The following PLEKHA5 variants were observed in gnomAD, a reference collection of about 807,000 sequenced individuals.
The protein encoded by PLEKHA5 is pleckstrin homology domain containing A5.
In PLEKHA5, 55 loss-of-function variants were observed where a neutral mutation model predicts 181.9. That is an observed-to-expected ratio of 0.30 (90% confidence interval 0.24 to 0.38). The LOEUF is 0.38. PLEKHA5 is among the 10% of genes least tolerant of loss of function. The pLI is 1.00. For missense variants in PLEKHA5, 1,432 were observed against 1,549.5 expected (o/e 0.92, Z 1.27); for synonymous variants, 535 against 529.4 (o/e 1.01, Z -0.15).
chr12:19,158,825 TAC>T (rs2042349187), intron 3 of PLEKHA5, among the ~76,000 whole-genome samples: 2 of 152,232 alleles, frequency 1.3e-5, no homozygotes, highest in Admixed American at 6.5e-5. Context: ...TTAATTTTCT[TAC>T]TGTAGTAAAT....
intron 29 of PLEKHA5, among the ~76,000 whole-genome samples, chr12:19,364,207 C>CAGAGTAT (rs1555173549): frequency 3.3e-5 from 5 of 152,036 alleles, no homozygotes; most frequent in Admixed American, 3.3e-4. Context: ...AAGTGGGAGT[C>CAGAGTAT]AGAGTATCAT....
chr12:19,374,701 TC>T (rs2095670363), intron 31 of PLEKHA5, among the ~76,000 whole-genome samples: 1 of 151,252 alleles, frequency 6.6e-6, no homozygotes, highest in East Asian at 1.9e-4. Context: ...ACACCTGGAA[TC>T]CTAGCACTTT....
At chr12:19,155,194 A>G (rs993999848) in intron 3 of PLEKHA5, among the ~76,000 whole-genome samples, 3 of 152,158 alleles carry the variant, frequency 2.0e-5, no homozygotes, top group African/African-American at 7.2e-5. Context: ...CACTAGGAAG[A>G]CCTCACAAGC....
intron 7 of PLEKHA5, among the ~76,000 whole-genome samples, chr12:19,261,606 G>A (rs2068520819): frequency 6.6e-6 from 1 of 152,130 alleles, no homozygotes; most frequent in Admixed American, 6.5e-5. Context: ...ACCTGCCAAT[G>A]AAAGGCATAC....
At chr12:19,309,093 A>G (rs2085366398) in intron 15 of PLEKHA5, among the ~76,000 whole-genome samples, 4 of 152,012 alleles carry the variant, frequency 2.6e-5, no homozygotes, top group East Asian at 1.9e-4. Flanking sequence ...AAAGAAATAG[A>G]TAATTTTTTA....
At chr12:19,172,472 A>T (rs2046139829) in intron 3 of PLEKHA5, among the ~76,000 whole-genome samples, 1 of 152,222 alleles carries the variant, frequency 6.6e-6, no homozygotes, top group Admixed American at 6.5e-5. Context: ...GGGGCAAAAG[A>T]TTTGAGCAGT....
intron 8 of PLEKHA5, among the ~76,000 whole-genome samples, 185 bp from the exon 9 acceptor site, chr12:19,269,585 A>G (rs1476106020): frequency 4.0e-5 from 6 of 151,822 alleles, no homozygotes; most frequent in Non-Finnish European, 8.8e-5. Context: ...GGAAATTAAT[A>G]TATATTTTTC....
intron 3 of PLEKHA5, among the ~76,000 whole-genome samples, chr12:19,145,664 G>A (rs2038745296): frequency 6.6e-6 from 1 of 151,964 alleles, no homozygotes; most frequent in Non-Finnish European, 1.5e-5. Flanking sequence ...TGGACATCGA[G>A]GTTTTTTCCT....
At chr12:19,141,824 G>A (rs565772559) in intron 3 of PLEKHA5, among the ~76,000 whole-genome samples, 5 of 152,246 alleles carry the variant, frequency 3.3e-5, no homozygotes, top group East Asian at 3.9e-4. Context: ...GATTCTCTTC[G>A]GTGCTTCTGA....
intron 3 of PLEKHA5, among the ~76,000 whole-genome samples, chr12:19,219,616 A>G (rs2058617641): frequency 6.6e-6 from 1 of 152,016 alleles, no homozygotes; most frequent in Non-Finnish European, 1.5e-5. Context: ...TATTATTTTA[A>G]AAGCATGCTA....
At chr12:19,181,862 A>G (rs939627605) in intron 3 of PLEKHA5, among the ~76,000 whole-genome samples, 1 of 152,162 alleles carries the variant, frequency 6.6e-6, no homozygotes, top group Non-Finnish European at 1.5e-5. Flanking sequence ...GTTTTTGCTG[A>G]TTGGGACAAT....
At chr12:19,137,076 T>G (rs1409802040) in intron 3 of PLEKHA5, among the ~76,000 whole-genome samples, 1 of 152,034 alleles carries the variant, frequency 6.6e-6, no homozygotes, top group African/African-American at 2.4e-5. Flanking sequence ...GGAGTTTCAC[T>G]CTTGTTGCCC....
intron 3 of PLEKHA5, chr12:19,150,843 A>G (rs2040209291): frequency 6.6e-6 from 1 of 152,236 alleles, no homozygotes; most frequent in African/African-American, 2.4e-5. Flanking sequence ...ACAGATGAGC[A>G]GGAGAGTTAG....
chr12:19,264,995 T>G (rs757522677), intron 7 of PLEKHA5, among the ~76,000 whole-genome samples: 1 of 152,216 alleles, frequency 6.6e-6, no homozygotes, highest in Non-Finnish European at 1.5e-5. Flanking sequence ...AAGATTAATG[T>G]TTATCATTTT....
intron 15 of PLEKHA5, chr12:19,306,650 G>A: frequency 2.2e-6 from 3 of 1,350,288 alleles, no homozygotes; most frequent in Non-Finnish European, 2.1e-6. Flanking sequence ...CGAGGTAATA[G>A]GTGACTGATC....
At chr12:19,340,811 A>G (rs931267034) in intron 21 of PLEKHA5, among the ~76,000 whole-genome samples, 2 of 151,058 alleles carry the variant, frequency 1.3e-5, no homozygotes, top group Non-Finnish European at 3.0e-5. Flanking sequence ...GGACTCAAAC[A>G]CTGCGGAAGG....
chr12:19,200,687 G>C (rs2053985338), intron 3 of PLEKHA5: 1 of 1,015,056 alleles, frequency 9.9e-7, no homozygotes, highest in Non-Finnish European at 1.2e-6. Flanking sequence ...TTCCTTGCTT[G>C]CTATTTCTGC....
At chr12:19,297,781 A>C (rs1226604042) in intron 15 of PLEKHA5, among the ~76,000 whole-genome samples, 2 of 150,496 alleles carry the variant, frequency 1.3e-5, no homozygotes, top group South Asian at 2.1e-4. Context: ...AGAATGAAAA[A>C]CATTTCATGT....
intron 3 of PLEKHA5, among the ~76,000 whole-genome samples, chr12:19,221,068 A>C (rs1451731849): frequency 6.6e-6 from 1 of 152,164 alleles, no homozygotes; most frequent in African/African-American, 2.4e-5. Flanking sequence ...GGAATGCAAA[A>C]TTGGAAGACA....
Sources: gnomAD v4.1 joint callset for allele counts (sites outside exome capture counted in the v4.1 genomes callset) on GRCh38, gnomAD v4.1.1 for gene constraint, MANE v1.5 for transcripts, NCBI Gene and HGNC (gene_info 2026-07-23, HGNC 2026-07-21) for gene names.